The following POU2F2 variants were observed in gnomAD, a reference collection of about 807,000 sequenced individuals.
The protein encoded by POU2F2 is POU domain, class 2, transcription factor 2.
Under a neutral mutation model 63.5 loss-of-function variants are expected in POU2F2, and 14 were observed. That is an observed-to-expected ratio of 0.22 (90% CI 0.15 to 0.34). POU2F2 has a LOEUF of 0.34. Among genes scored for constraint, POU2F2 ranks in the 10% least tolerant of loss-of-function variants. The pLI is 1.00. For missense variants in POU2F2, 607 were observed against 815.2 expected (o/e 0.74, Z 3.11); for synonymous variants, 306 against 348.6 (o/e 0.88, Z 1.36).
intron 2 of POU2F2, among the ~76,000 whole-genome samples, chr19:42,154,053 A>C: frequency 6.7e-6 from 1 of 149,378 alleles, no homozygotes. Context: ...CCTCAACTCC[A>C]CCAAGCGACC....
rs1167395910 is a variant in POU2F2 at position 42,122,569 on chromosome 19, T to C, written c.36A>G (p.Arg12=). Residue 12 remains arginine, a synonymous_variant, in exon 2 of 15, where the codon AGA becomes AGG. Coordinates refer to ENST00000692977, the MANE Select transcript of POU2F2 (RefSeq NM_001394376.1). ...VHSSMGAPEI[R]MSKPLEAEKQ... is the part of the protein sequence containing the mutation. The stretch of plus-strand genomic sequence containing the variant: ...TCTCGGCCTCCAGGGGCTTAGACAT[T>C]CTTATTTCTGGGGACAGAGGAGGAA... 3 of 1,586,090 alleles carry C rather than the reference T, an allele frequency of 1.9e-6. No individual in the cohort carries two copies. In the Admixed American group the frequency reaches 5.5e-5, roughly 29 times the overall value.
chr19:42,178,352 GAC>G (rs1258855488), upstream of POU2F2, among the ~76,000 whole-genome samples: 5 of 152,204 alleles, frequency 3.3e-5, no homozygotes, highest in Admixed American at 1.3e-4. Context: ...AATTCACAAA[GAC>G]AGAGACACAG....
chr19:42,093,716 T>C (rs1599928209), intron 12 of POU2F2, 113 bp downstream of exon 12: 7 of 1,057,570 alleles, frequency 6.6e-6, no homozygotes, highest in Non-Finnish European at 9.6e-6. Flanking sequence ...CCACCCACAC[T>C]CCCCAGGCCC....
intron 2 of POU2F2, among the ~76,000 whole-genome samples, chr19:42,142,392 G>T (rs1050672667): frequency 6.6e-6 from 1 of 151,994 alleles, no homozygotes; most frequent in Non-Finnish European, 1.5e-5. Flanking sequence ...GGGTTTCACC[G>T]TGTTAGCCAA....
Position 42,091,109 on chromosome 19 carries a change from T to G in POU2F2, c.*148A>C. On this transcript the variant is annotated 3_prime_UTR_variant, in exon 15 of 15. Transcript: ENST00000692977. ...AGTTTCTTTCCTTTTTTTTTTTTTT[T>G]TTGGTTGGTTGTTTTTTTGGTCTTT... is the stretch of plus-strand genomic sequence containing the variant. The G allele has an allele frequency of 1.7e-6, 1 of 589,144 alleles. No individual in the cohort carries two copies. The highest frequency in any genetic ancestry group is 2.6e-6 in the Non-Finnish European group (1 of 385,780). 36.5% of individuals were successfully genotyped at this position (589,144 alleles called of 1,614,324 possible). A position where few individuals can be genotyped will look rare whatever the true frequency, so the allele number is the denominator to read the frequency against.
Position 42,095,482 on chromosome 19 carries a change from T to C in POU2F2, c.1021-20A>G, listed in dbSNP as rs1269224381. 1 of 1,610,200 alleles carries C rather than the reference T, an allele frequency of 6.2e-7. No individual in the cohort carries two copies. The highest frequency in any genetic ancestry group is 1.3e-5 in the African/African-American group (1 of 74,994). ...CTGGTTCTGCAGGCAGAGGGCTCGTTAGCCCGAGGCCCACCGCCCGCCACC... is the reference window on the plus strand; with the variant it reads ...CTGGTTCTGCAGGCAGAGGGCTCGTCAGCCCGAGGCCCACCGCCCGCCACC... On this transcript the variant is annotated intron_variant, in intron 10 of 14. Coordinates refer to ENST00000692977, the MANE Select transcript of POU2F2 (RefSeq NM_001394376.1). This position sits in a 1 kb window ranked among gnomAD's most constrained non-coding sequence, Gnocchi z 7.1.
At chr19:42,120,735 G>C (rs1788334087) in intron 4 of POU2F2, among the ~76,000 whole-genome samples, 1 of 152,078 alleles carries the variant, frequency 6.6e-6, no homozygotes, top group South Asian at 2.1e-4. Flanking sequence ...TTCATGAGTT[G>C]GTAATTGTTG....
At chr19:42,166,048 G>A (rs940914573) in intron 1 of POU2F2, among the ~76,000 whole-genome samples, 8 of 152,234 alleles carry the variant, frequency 5.3e-5, no homozygotes, top group African/African-American at 1.9e-4. Context: ...CTCCCATTAG[G>A]TTGGTAAAGG....
chr19:42,175,215 G>A (rs1275175430), intron 1 of POU2F2, among the ~76,000 whole-genome samples: 1 of 152,158 alleles, frequency 6.6e-6, no homozygotes, highest in East Asian at 1.9e-4. Context: ...AAGGAAGTAG[G>A]GGGTGGCACT....
chr19:42,102,406 G>A (rs917290022), intron 5 of POU2F2, among the ~76,000 whole-genome samples: 5 of 152,176 alleles, frequency 3.3e-5, no homozygotes, highest in South Asian at 2.1e-4. Context: ...TGTGCTCACA[G>A]CTGTATACCT....
intron 1 of POU2F2, among the ~76,000 whole-genome samples, chr19:42,192,186 G>A (rs915105537): frequency 3.3e-5 from 5 of 152,144 alleles, no homozygotes; most frequent in African/African-American, 9.7e-5. Flanking sequence ...GGATTATCAG[G>A]GACAGTTAAA....
At chr19:42,125,938 G>C (rs1291069994) in intron 1 of POU2F2, among the ~76,000 whole-genome samples, 1 of 152,106 alleles carries the variant, frequency 6.6e-6, no homozygotes, top group African/African-American at 2.4e-5. Context: ...CACAGAACAG[G>C]GCAGCCTCGG....
chr19:42,108,970 A>G (rs1323194313), intron 5 of POU2F2, among the ~76,000 whole-genome samples: 1 of 152,258 alleles, frequency 6.6e-6, no homozygotes, highest in Non-Finnish European at 1.5e-5. Context: ...ATAGGTGATC[A>G]ATACATTTTC....
chr19:42,095,533 G>T lies in POU2F2; in HGVS notation c.1020+12C>A, dbSNP rs746391851. 11 of 1,600,340 alleles carry T rather than the reference G, an allele frequency of 6.9e-6. No individual in the cohort carries two copies. The highest frequency in any genetic ancestry group is 9.4e-6 in the Non-Finnish European group (11 of 1,173,102). On this transcript the variant is annotated intron_variant, in intron 10 of 14. Transcript: ENST00000692977. The surrounding 1 kb of genome is among the most constrained non-coding windows in gnomAD (Gnocchi z 7.1). ...CCTCAGGTGAGGGCCACCCAGGAGA[G>T]GGGGGCCTCACCGCTAGAAAACTCT...
At chr19:42,189,786 G>A (rs1375600131) in intron 1 of POU2F2, among the ~76,000 whole-genome samples, 1 of 152,166 alleles carries the variant, frequency 6.6e-6, no homozygotes, top group African/African-American at 2.4e-5. Context: ...CTGGAGTGCA[G>A]TGGTGGGATC....
chr19:42,093,949 T>G (rs1599929975), intron 11 of POU2F2, 54 bp from the exon 12 acceptor site: 4 of 1,511,644 alleles, frequency 2.6e-6, no homozygotes, highest in Non-Finnish European at 3.7e-6. Context: ...GCAGCCCCCG[T>G]GATGCTCCCT....
At chr19:42,097,106 A>T (rs555538800) in intron 7 of POU2F2, among the ~76,000 whole-genome samples, 1 of 151,906 alleles carries the variant, frequency 6.6e-6, no homozygotes, top group Non-Finnish European at 1.5e-5. Context: ...GATATGAAGC[A>T]GGTGGTGGGT....
chr19:42,179,003 T>C (rs192226004), upstream of POU2F2, among the ~76,000 whole-genome samples: 9 of 151,588 alleles, frequency 5.9e-5, no homozygotes, highest in East Asian at 1.8e-3. Context: ...AGGCTTTCAG[T>C]TGGACAGAGA....
Position 42,095,858 on chromosome 19 carries a change from C to T in POU2F2, c.801G>A (p.Glu267=). The T allele has an allele frequency of 6.2e-7, 1 of 1,614,044 alleles. No homozygotes were observed. Among genetic ancestry groups the T allele is most frequent in the Middle Eastern group, 1.6e-4 (1 of 6,062 alleles). The change falls in exon 9 of 15, where the codon GAG becomes GAA. Residue 267 remains glutamate (E), a synonymous_variant. Transcript: ENST00000692977. The surrounding 1 kb of genome is among the most constrained non-coding windows in gnomAD (Gnocchi z 7.1). ...DFSQTTISRF[E]ALNLSFKNMC... Reference sequence around the variant, plus strand: ...TGTTCTTGAAGCTCAGGTTGAGGGCCTCGAAGCGGGAAATGGTCGTCTGGC... The same window carrying T: ...TGTTCTTGAAGCTCAGGTTGAGGGCTTCGAAGCGGGAAATGGTCGTCTGGC...
Sources: allele counts gnomAD v4.1 joint callset (sites outside exome capture counted in the v4.1 genomes callset), GRCh38; gene constraint gnomAD v4.1.1; non-coding constraint Gnocchi (gnomAD v3.1); transcripts MANE v1.5; gene names NCBI Gene and HGNC (gene_info 2026-07-23, HGNC 2026-07-21).